NR3C1: variants seen among roughly 807,000 people sequenced by gnomAD.
NR3C1 encodes the protein glucocorticoid receptor.
Under a neutral mutation model 74.0 loss-of-function variants are expected in NR3C1, and 14 were observed. The ratio of observed to expected loss-of-function variants is 0.19; its 90% CI spans 0.12 to 0.30. The LOEUF (loss-of-function observed/expected upper bound fraction) is 0.30. Ranked by LOEUF, NR3C1 falls within the 10% of genes least tolerant of loss-of-function variation. NR3C1 has a pLI of 1.00. For missense variants in NR3C1, 695 were observed against 909.8 expected (o/e 0.76, Z 3.04); for synonymous variants, 308 against 332.5 (o/e 0.93, Z 0.80).
At chr5:143,356,401 AC>A (rs1600225474) in intron 2 of NR3C1, among the ~76,000 whole-genome samples, 1 of 152,068 alleles carries the variant, frequency 6.6e-6, no homozygotes, top group East Asian at 1.9e-4. Flanking sequence ...GAAAAAATGA[AC>A]CCTGATTATC....
chr5:143,307,289 T>C (rs1299805614), intron 4 of NR3C1, among the ~76,000 whole-genome samples: 1 of 151,954 alleles, frequency 6.6e-6, no homozygotes. Flanking sequence ...AATAGAAAAA[T>C]CAGATGTCAG....
At chr5:143,282,869 T>C (rs926850150) in intron 7 of NR3C1, 144 bp from the exon 8 acceptor site, 2 of 820,606 alleles carry the variant, frequency 2.4e-6, no homozygotes, top group African/African-American at 3.5e-5. Flanking sequence ...AGCCTTGACC[T>C]CCTTGGCTCA....
At chr5:143,424,808 A>G (rs1459845338) in intron 1 of NR3C1, among the ~76,000 whole-genome samples, 1 of 152,176 alleles carries the variant, frequency 6.6e-6, no homozygotes. Flanking sequence ...CCATGCAACA[A>G]ACATTTTCAA....
chr5:143,383,671 GAGA>G (rs1013497029), intron 2 of NR3C1, among the ~76,000 whole-genome samples: 2 of 152,180 alleles, frequency 1.3e-5, no homozygotes, highest in Admixed American at 6.5e-5. Flanking sequence ...TAAAAGCAGA[GAGA>G]AGGAGCCTGA....
intron 1 of NR3C1, among the ~76,000 whole-genome samples, chr5:143,418,064 T>A (rs1275837313): frequency 6.6e-6 from 1 of 152,186 alleles, no homozygotes; most frequent in African/African-American, 2.4e-5. Context: ...AATAAAATGA[T>A]TTGTTTGAAG....
chr5:143,386,469 C>G (rs1837245219), intron 2 of NR3C1, among the ~76,000 whole-genome samples: 1 of 152,098 alleles, frequency 6.6e-6, no homozygotes, highest in East Asian at 1.9e-4. Flanking sequence ...TCAGGGTGTA[C>G]TTGTTAGGTG....
intron 7 of NR3C1, among the ~76,000 whole-genome samples, chr5:143,286,642 A>C (rs187958770): frequency 5.9e-5 from 9 of 152,266 alleles, no homozygotes; most frequent in African/African-American, 2.2e-4. Context: ...TAGGATAGCG[A>C]TAATAAAAAA....
chr5:143,318,286 C>A (rs1315801491), intron 2 of NR3C1, among the ~76,000 whole-genome samples: 1 of 152,056 alleles, frequency 6.6e-6, no homozygotes, highest in Non-Finnish European at 1.5e-5. Context: ...GATTACTACA[C>A]CAAAATTGGA....
At position 143,314,169 on chromosome 5, in the gene NR3C1, C is replaced by A. The variant is rs1821576801; in HGVS notation, c.1185-1G>T. 6.2e-7 allele frequency: 1 copy of A among 1,613,490 alleles called. No homozygotes were observed. The highest frequency in any genetic ancestry group is 8.5e-7 in the Non-Finnish European group (1 of 1,179,660). Reference sequence around the variant, plus strand: ...GCTTACATCTGGTCTCATGCTGGGGCTAAAGAAGGGGAAGAACAGTGTTAT... The same window carrying A: ...GCTTACATCTGGTCTCATGCTGGGGATAAAGAAGGGGAAGAACAGTGTTAT... On this transcript the variant is annotated splice_acceptor_variant, in intron 2 of 8. Transcript: ENST00000394464. LOFTEE classifies it high-confidence loss of function.
At chr5:143,307,518 A>C (rs1435697159) in intron 4 of NR3C1, among the ~76,000 whole-genome samples, 1 of 152,184 alleles carries the variant, frequency 6.6e-6, no homozygotes, top group Non-Finnish European at 1.5e-5. Flanking sequence ...TAAAACTCCA[A>C]AGATCTTAAA....
At chr5:143,288,241 C>CCTGAGTAGCTGGGACTACAG (rs1814986017) in intron 7 of NR3C1, among the ~76,000 whole-genome samples, 1 of 151,736 alleles carries the variant, frequency 6.6e-6, no homozygotes, top group Admixed American at 6.6e-5. Flanking sequence ...GCCTCAGCCT[C>CCTGAGTAGCTGGGACTACAG]CTGAGTAGCT....
intron 2 of NR3C1, among the ~76,000 whole-genome samples, chr5:143,392,605 G>A (rs941473229): frequency 4.0e-5 from 6 of 151,680 alleles, no homozygotes; most frequent in African/African-American, 1.5e-4. Context: ...TGTGCTTCAT[G>A]GATATTGACA....
At chr5:143,340,834 A>G (rs1828072818) in intron 2 of NR3C1, among the ~76,000 whole-genome samples, 2 of 152,100 alleles carry the variant, frequency 1.3e-5, no homozygotes, top group South Asian at 4.1e-4. Flanking sequence ...ATATATTTTT[A>G]AACTTTTAGG....
chr5:143,380,469 C>T (rs183071671), intron 2 of NR3C1, among the ~76,000 whole-genome samples: 209 of 152,226 alleles, frequency 1.4e-3, no homozygotes, highest in Non-Finnish European at 2.6e-3. Flanking sequence ...TTAGTATTCT[C>T]TTTAAGAAGA....
At chr5:143,359,079 T>C (rs1831737055) in intron 2 of NR3C1, among the ~76,000 whole-genome samples, 1 of 152,164 alleles carries the variant, frequency 6.6e-6, no homozygotes, top group African/African-American at 2.4e-5. Flanking sequence ...GAAATGGAAG[T>C]TATAAACAAT....
At position 143,399,677 on chromosome 5, in the gene NR3C1, A is replaced by G. The variant is rs758527554; in HGVS notation, c.1163T>C (p.Val388Ala). 11 of 1,613,946 alleles carry G rather than the reference A, an allele frequency of 6.8e-6. No homozygotes were observed. The highest frequency in any genetic ancestry group is 8.5e-6 in the Non-Finnish European group (10 of 1,179,792). The change falls in exon 2 of 9, where the codon GTT (valine) becomes GCT (alanine). Residue 388 changes from valine to alanine, a missense_variant. Transcript: ENST00000394464. The part of the protein sequence containing the change: ...LGTLNFPGRT[V>A]FSNGYSSPSM... ...TTACCTTGAATAGCCATTAGAAAAA[A>G]CTGTTCGACCAGGGAAGTTCAGAGT...
chr5:143,294,340 T>C (rs1426420266), intron 7 of NR3C1: 1 of 913,466 alleles, frequency 1.1e-6, no homozygotes, highest in Non-Finnish European at 1.3e-6. Context: ...AACATTGATA[T>C]GTAATTTTTA....
intron 2 of NR3C1, among the ~76,000 whole-genome samples, chr5:143,350,134 T>C (rs924626673): frequency 6.6e-6 from 1 of 152,126 alleles, no homozygotes; most frequent in African/African-American, 2.4e-5. Context: ...GGTAAACCCT[T>C]AGACTGTACT....
chr5:143,325,225 T>A, intron 2 of NR3C1, among the ~76,000 whole-genome samples: 1 of 152,180 alleles, frequency 6.6e-6, no homozygotes, highest in East Asian at 1.9e-4. Flanking sequence ...TCCACAGGGC[T>A]GGGGAGGCCT....
Sources: allele counts gnomAD v4.1 joint callset (sites outside exome capture counted in the v4.1 genomes callset), GRCh38; gene constraint gnomAD v4.1.1; transcripts MANE v1.5; gene names NCBI Gene and HGNC (gene_info 2026-07-23, HGNC 2026-07-21).